CTNNA3: variants seen among roughly 807,000 people sequenced by gnomAD.
CTNNA3 encodes catenin alpha-3.
Under a neutral mutation model 95.7 loss-of-function variants are expected in CTNNA3, and 76 were observed. The observed-to-expected ratio is 0.79, with a 90% CI of 0.66 to 0.96. The LOEUF is 0.96. CTNNA3 is among the 40% of genes least tolerant of loss of function. The pLI is 0.00. For missense variants in CTNNA3, 1,191 were observed against 1,089.8 expected (o/e 1.09, Z -1.31); for synonymous variants, 431 against 374.4 (o/e 1.15, Z -1.74).
chr10:67,026,156 C>T (rs1266420258), intron 7 of CTNNA3, among the ~76,000 whole-genome samples: 2 of 149,974 alleles, frequency 1.3e-5, no homozygotes, highest in Non-Finnish European at 3.0e-5. Flanking sequence ...ATACCTAATG[C>T]TAAATGACGA....
chr10:65,922,017 T>C (rs757602381), intron 17 of CTNNA3, among the ~76,000 whole-genome samples: 2 of 152,132 alleles, frequency 1.3e-5, no homozygotes, highest in Admixed American at 6.6e-5. Flanking sequence ...CTTCATTTTA[T>C]GGATGAAGAA....
intron 11 of CTNNA3, among the ~76,000 whole-genome samples, chr10:66,501,472 A>G (rs561843510): frequency 5.1e-4 from 78 of 152,296 alleles, no homozygotes; most frequent in Non-Finnish European, 7.2e-4. Context: ...TCTCTTGTGA[A>G]TAAGTCCAGT....
chr10:66,390,971 G>C (rs1911480), intron 11 of CTNNA3, among the ~76,000 whole-genome samples: 24,586 of 151,998 alleles, frequency 0.16, 2,733 homozygotes, highest in East Asian at 0.45. Flanking sequence ...AAAAGATAAA[G>C]TACAGTCCCT....
At chr10:67,385,079 G>T (rs1295569339) in intron 5 of CTNNA3, among the ~76,000 whole-genome samples, 1 of 151,168 alleles carries the variant, frequency 6.6e-6, no homozygotes, top group East Asian at 1.9e-4. Flanking sequence ...TACCAAAAAA[G>T]GGCCTATTTT....
chr10:66,199,504 T>C (rs1167812413), intron 13 of CTNNA3, among the ~76,000 whole-genome samples: 1 of 151,806 alleles, frequency 6.6e-6, no homozygotes, highest in East Asian at 1.9e-4. Context: ...TATGTATGTA[T>C]GGTCTTTACA....
At chr10:66,138,027 GAA>G (rs962643103) in intron 13 of CTNNA3, among the ~76,000 whole-genome samples, 2 of 150,526 alleles carry the variant, frequency 1.3e-5, no homozygotes, top group Admixed American at 1.3e-4. Flanking sequence ...AAAAAACAAA[GAA>G]AATAAAATAG....
chr10:66,346,246 T>TATAGAGAGAGAGAG (rs1416945569), intron 12 of CTNNA3, among the ~76,000 whole-genome samples: 6 of 27,788 alleles, frequency 2.2e-4, no homozygotes, highest in Non-Finnish European at 4.5e-4. Context: ...TATATATATA[T>TATAGAGAGAGAGAG]AGAGAGAGAG....
intron 11 of CTNNA3, among the ~76,000 whole-genome samples, chr10:66,510,545 C>A (rs1247350582): frequency 1.5e-5 from 2 of 137,654 alleles, no homozygotes; most frequent in Non-Finnish European, 3.3e-5. Context: ...CATATATGGT[C>A]TTTATTGTGT....
chr10:66,760,424 A>G (rs1290609365), intron 9 of CTNNA3, among the ~76,000 whole-genome samples: 1 of 152,078 alleles, frequency 6.6e-6, no homozygotes, highest in Non-Finnish European at 1.5e-5. Flanking sequence ...CTGTACCTTT[A>G]TTCATGCTGT....
At chr10:67,223,074 C>T (rs746131140) in intron 5 of CTNNA3, among the ~76,000 whole-genome samples, 10 of 152,224 alleles carry the variant, frequency 6.6e-5, no homozygotes, top group East Asian at 1.9e-4. Context: ...AAGTCCTTGA[C>T]GCCTGCGAAA....
intron 16 of CTNNA3, among the ~76,000 whole-genome samples, chr10:65,980,008 C>T (rs989985037): frequency 2.0e-5 from 3 of 151,408 alleles, no homozygotes; most frequent in African/African-American, 4.8e-5. Flanking sequence ...AACCAACACA[C>T]AAAATACAAA....
At chr10:66,339,149 T>G (rs746137307) in intron 12 of CTNNA3, among the ~76,000 whole-genome samples, 1 of 151,894 alleles carries the variant, frequency 6.6e-6, no homozygotes, top group Non-Finnish European at 1.5e-5. Flanking sequence ...ATGAAACATG[T>G]GCATTCTTAA....
intron 7 of CTNNA3, among the ~76,000 whole-genome samples, chr10:67,004,041 C>T (rs1851831213): frequency 6.6e-6 from 1 of 151,712 alleles, no homozygotes; most frequent in South Asian, 2.1e-4. Flanking sequence ...GACATTGAAT[C>T]AAACCAGTTT....
intron 7 of CTNNA3, among the ~76,000 whole-genome samples, chr10:67,109,934 C>T (rs1404722777): frequency 6.6e-6 from 1 of 152,182 alleles, no homozygotes; most frequent in Non-Finnish European, 1.5e-5. Context: ...ATGAATAATG[C>T]TATTTTAATG....
intron 13 of CTNNA3, among the ~76,000 whole-genome samples, chr10:66,253,316 T>C (rs2090631889): frequency 6.6e-6 from 1 of 151,966 alleles, no homozygotes; most frequent in Non-Finnish European, 1.5e-5. Flanking sequence ...AGAAAGACAA[T>C]ACATCTCTTC....
At chr10:66,402,746 G>C (rs1267741035) in intron 11 of CTNNA3, among the ~76,000 whole-genome samples, 13 of 152,138 alleles carry the variant, frequency 8.5e-5, no homozygotes, top group African/African-American at 2.7e-4. Flanking sequence ...AAGGAAGTTA[G>C]AGTTCCAGAG....
At chr10:67,227,187 T>G (rs111826566) in intron 5 of CTNNA3, among the ~76,000 whole-genome samples, 4,712 of 151,032 alleles carry the variant, frequency 0.031, 174 homozygotes, top group South Asian at 0.2. Context: ...TGCCTCCCAG[T>G]TTCAAGCGAT....
At chr10:66,906,642 A>AGT (rs556425674) in intron 7 of CTNNA3, among the ~76,000 whole-genome samples, 2 of 151,830 alleles carry the variant, frequency 1.3e-5, no homozygotes, top group African/African-American at 2.4e-5. Flanking sequence ...AAAAATTGAC[A>AGT]GTGTGTGTGT....
At chr10:67,661,407 C>T (rs1240767063) in intron 1 of CTNNA3, among the ~76,000 whole-genome samples, 1 of 152,012 alleles carries the variant, frequency 6.6e-6, no homozygotes, top group African/African-American at 2.4e-5. Context: ...CATACAAAAA[C>T]TTACTTGAAA....
Sources: gnomAD v4.1 joint callset for allele counts (sites outside exome capture counted in the v4.1 genomes callset) on GRCh38, gnomAD v4.1.1 for gene constraint, MANE v1.5 for transcripts, NCBI Gene and HGNC (gene_info 2026-07-23, HGNC 2026-07-21) for gene names.